Variants in DYNC2H1 observed in about 807,000 individuals in gnomAD.
DYNC2H1 encodes the protein cytoplasmic dynein 2 heavy chain 1.
DYNC2H1 carries 410 observed loss-of-function variants against 570.0 expected under a neutral mutation model. The observed-to-expected ratio is 0.72, with a 90% CI of 0.66 to 0.78. The LOEUF is 0.78. DYNC2H1 is among the 30% of genes least tolerant of loss of function. The probability of loss-of-function intolerance (pLI) is 0.00; values close to 1 mark genes in which losing one functional copy is unlikely to be tolerated. For missense variants in DYNC2H1, 4,865 were observed against 5,046.4 expected, an observed-to-expected ratio of 0.96 and a Z score of 1.09; for synonymous variants, 1,688 against 1,677.6, an observed-to-expected ratio of 1.01 and a Z score of -0.15.
At position 103,220,003 on chromosome 11, in the gene DYNC2H1, T is replaced by C; in HGVS notation, c.8921T>C (p.Ile2974Thr). 1 of 1,474,418 alleles carries C rather than the reference T, an allele frequency of 6.8e-7. No individual in the cohort carries two copies. The highest frequency in any genetic ancestry group is 9.0e-7 in the Non-Finnish European group (1 of 1,115,640). 91.3% of individuals were successfully genotyped at this position (1,474,418 alleles called of 1,614,324 possible). A position where few individuals can be genotyped will look rare whatever the true frequency, so the allele number is the denominator to read the frequency against. ...AAAATTGAAGAAAGAAAAAATAAAA[T>C]TGATGATGAATTAAAAGAAGTACAA... ...VVKIEERKNKIDDELKEVQPL... is the reference protein window; with the variant it reads ...VVKIEERKNKTDDELKEVQPL... The change falls in exon 56 of 89, where the codon ATT becomes ACT. Residue 2974 changes from isoleucine (I) to threonine (T), a missense_variant. Physicochemically the swap from Ile to Thr is moderately conservative, Grantham distance 89. This residue lies in a region of DYNC2H1 where 2,401 missense variants were observed against 2,454.6 expected (regional missense o/e 0.98). Transcript: ENST00000375735.
Position 103,245,336 on chromosome 11 carries a change from T to C in DYNC2H1, c.10004T>C (p.Val3335Ala), listed in dbSNP as rs1157556319. The change falls in exon 65 of 89, where the codon GTT becomes GCT. Residue 3335 changes from valine to alanine, a missense_variant. Physicochemically the swap from Val to Ala is moderately conservative, Grantham distance 64 (BLOSUM62 0). Coordinates refer to ENST00000375735, the MANE Select transcript of DYNC2H1 (RefSeq NM_001377.3). The surrounding 1 kb of genome is among the most constrained non-coding windows in gnomAD (Gnocchi z 4.5). ...CAAGAGATGGATGGTGTAGAACCTG[T>C]TCTTTATCCATTATTGAGACGAGAT... The part of the protein sequence containing the change: ...IIQEMDGVEP[V>A]LYPLLRRDLV... 1 of 1,582,862 alleles carries C rather than the reference T, an allele frequency of 6.3e-7. No homozygotes were observed. The highest frequency in any genetic ancestry group is 1.8e-5 in the Admixed American group (1 of 55,734).
chr11:103,288,983 A>G (rs1866478433), intron 75 of DYNC2H1, among the ~76,000 whole-genome samples: 2 of 152,130 alleles, frequency 1.3e-5, no homozygotes, highest in East Asian at 1.9e-4. Context: ...TAACATCACT[A>G]TTGTAAAACC....
At chr11:103,161,739 A>G (rs1861102635) in intron 29 of DYNC2H1, among the ~76,000 whole-genome samples, 1 of 152,202 alleles carries the variant, frequency 6.6e-6, no homozygotes, top group South Asian at 2.1e-4. Context: ...GTATAAGATG[A>G]TTTGGGTGAA....
chr11:103,180,108 A>T (rs1165355458), intron 39 of DYNC2H1, among the ~76,000 whole-genome samples: 4 of 151,722 alleles, frequency 2.6e-5, no homozygotes, highest in African/African-American at 7.2e-5. Flanking sequence ...ATTTTGAGGT[A>T]TTATTAAAAG....
At chr11:103,343,499 C>G (rs79603904) in intron 82 of DYNC2H1, among the ~76,000 whole-genome samples, 292 of 152,014 alleles carry the variant, frequency 1.9e-3, no homozygotes, top group South Asian at 9.3e-3. Context: ...AAAGCCCCAT[C>G]GGGGGTGGGG....
chr11:103,239,642 AGTGT>A lies in DYNC2H1; in HGVS notation c.9819+3136_9819+3139del, dbSNP rs140380392. 0.18 allele frequency among the ~76,000 whole-genome samples: 25,160 copies of A among 139,896 alleles called. 2,202 individuals are homozygous for A. Among genetic ancestry groups the A allele is most frequent in the South Asian group, 0.26 (1,110 of 4,346 alleles). The allele number at this position is 139,896 out of a possible 152,430, so 91.8% of individuals were successfully genotyped here. A position where few individuals can be genotyped will look rare whatever the true frequency, so the allele number is the denominator to read the frequency against. On this transcript the variant is annotated intron_variant, in intron 63 of 88. Coordinates refer to ENST00000375735, the MANE Select transcript of DYNC2H1 (RefSeq NM_001377.3). This position sits in a 1 kb window ranked among gnomAD's most constrained non-coding sequence, Gnocchi z 4.3. ...CTCCTGTCTATACACTTCTCATAGG[AGTGT>A]GTGTGTGTGTGTGTGTGTGTGTGTG...
At chr11:103,421,458 T>G (rs1180504250) in intron 84 of DYNC2H1, among the ~76,000 whole-genome samples, 1 of 152,116 alleles carries the variant, frequency 6.6e-6, no homozygotes, top group Non-Finnish European at 1.5e-5. Context: ...TAATTGAAAT[T>G]AAAACTCTCC....
chr11:103,432,576 A>G (rs1382363925), intron 84 of DYNC2H1, among the ~76,000 whole-genome samples: 1 of 152,164 alleles, frequency 6.6e-6, no homozygotes, highest in Non-Finnish European at 1.5e-5. Flanking sequence ...AACTCAAATA[A>G]GAAAATCACT....
intron 83 of DYNC2H1, among the ~76,000 whole-genome samples, chr11:103,394,366 A>G (rs1320721917): frequency 6.6e-6 from 1 of 152,216 alleles, no homozygotes; most frequent in Non-Finnish European, 1.5e-5. Flanking sequence ...ACAATACAGT[A>G]TAACAACTAC....
chr11:103,392,041 T>G (rs1482622489), intron 83 of DYNC2H1, among the ~76,000 whole-genome samples: 1 of 152,232 alleles, frequency 6.6e-6, no homozygotes, highest in Non-Finnish European at 1.5e-5. Context: ...CAGGGACATT[T>G]AAGTCCGCAG....
At chr11:103,322,770 CA>C (rs1345256010) in intron 81 of DYNC2H1, among the ~76,000 whole-genome samples, 1 of 152,120 alleles carries the variant, frequency 6.6e-6, no homozygotes, top group African/African-American at 2.4e-5. Flanking sequence ...TGACTTATGA[CA>C]ATCACTGTTT....
intron 70 of DYNC2H1, 57 bp downstream of exon 70, chr11:103,260,034 A>ATATTTATAGTTATATAAATATAACT (rs58492880): frequency 3.2e-6 from 3 of 931,904 alleles, no homozygotes; most frequent in Non-Finnish European, 4.7e-6. Flanking sequence ...GATTTAACGT[A>ATATTTATAGTTATATAAATATAACT]ATATTTATAG....
At chr11:103,403,556 G>A (rs1037968134) in intron 84 of DYNC2H1, 5 of 152,072 alleles carry the variant, frequency 3.3e-5, no homozygotes, top group African/African-American at 7.2e-5. Context: ...AGGACAATAG[G>A]TATAAAACCG....
rs1860903492 is a variant in DYNC2H1, at chr11:103,157,810, A to G, written c.4128-867A>G. ...TTTCCCATTGTGCTAGGGATAAAGC[A>G]TGATCTGCTCCTTGTTCATTTCTCT... is the stretch of plus-strand genomic sequence containing the variant. On this transcript the variant is annotated intron_variant, in intron 26 of 88. Transcript: ENST00000375735. This position sits in a 1 kb window ranked among gnomAD's most constrained non-coding sequence, Gnocchi z 4.2. 6.6e-6 allele frequency among the ~76,000 whole-genome samples: 1 copy of G among 152,206 alleles called. No homozygotes were observed. Among genetic ancestry groups the G allele is most frequent in the African/African-American group, 2.4e-5 (1 of 41,464 alleles).
intron 70 of DYNC2H1, among the ~76,000 whole-genome samples, chr11:103,263,286 TAGAC>T (rs1399224320): frequency 1.2e-4 from 19 of 152,012 alleles, no homozygotes; most frequent in African/African-American, 4.1e-4. Flanking sequence ...CTGTCAATAT[TAGAC>T]AGATTAATGA....
Position 103,203,135 on chromosome 11 carries a change from TAAG to T in DYNC2H1, c.8198-524_8198-522del, listed in dbSNP as rs1360536646. On this transcript the variant is annotated intron_variant, in intron 50 of 88. Coordinates refer to ENST00000375735, the MANE Select transcript of DYNC2H1 (RefSeq NM_001377.3). This position sits in a 1 kb window ranked among gnomAD's most constrained non-coding sequence, Gnocchi z 4.7. ...CAGAAATTTAAAGTCTAATTGGAGA[TAAG>T]AAGGAAGTAATTCATTATTAAATGA... Among the ~76,000 whole-genome samples, 2 of 152,186 alleles carry T rather than the reference TAAG, an allele frequency of 1.3e-5. No homozygotes were observed. The highest frequency in any genetic ancestry group is 4.8e-5 in the African/African-American group (2 of 41,436).
intron 12 of DYNC2H1, among the ~76,000 whole-genome samples, chr11:103,125,692 A>T (rs1196595777): frequency 6.6e-6 from 1 of 152,170 alleles, no homozygotes; most frequent in Non-Finnish European, 1.5e-5. Flanking sequence ...CTATGGGCAC[A>T]TTGCCATCAT....
chr11:103,156,941 A>G (rs934868775), intron 26 of DYNC2H1, among the ~76,000 whole-genome samples, 171 bp downstream of exon 26: 3 of 152,188 alleles, frequency 2.0e-5, no homozygotes, highest in African/African-American at 7.2e-5. Context: ...TCAAGCATTT[A>G]CTTCTTGAAC....
chr11:103,416,998 T>C (rs934817019), intron 84 of DYNC2H1, among the ~76,000 whole-genome samples: 10 of 152,178 alleles, frequency 6.6e-5, no homozygotes, highest in Admixed American at 2.0e-4. Flanking sequence ...AAAGAAGACC[T>C]TTATGTGGCC....
Sources: gnomAD v4.1 joint callset for allele counts (sites outside exome capture counted in the v4.1 genomes callset) on GRCh38, gnomAD v4.1.1 for gene constraint, gnomAD v4.1.1 regional missense constraint, Gnocchi (gnomAD v3.1) non-coding constraint, MANE v1.5 for transcripts, NCBI Gene and HGNC (gene_info 2026-07-23, HGNC 2026-07-21) for gene names.